The following VPS8 variants were observed in gnomAD, a reference collection of about 807,000 sequenced individuals.
VPS8 encodes vacuolar protein sorting-associated protein 8 homolog.
In VPS8, 129 loss-of-function variants were observed where a neutral mutation model predicts 216.4. The ratio of observed to expected loss-of-function variants is 0.60; its 90% CI spans 0.52 to 0.69. The LOEUF is 0.69. Ranked by LOEUF, VPS8 falls within the 30% of genes least tolerant of loss-of-function variation. The pLI, the probability that VPS8 is intolerant of heterozygous loss-of-function variation, is 0.00. For synonymous variants in VPS8, 571 were observed against 565.4 expected (o/e 1.01, Z -0.14); for missense variants, 1,531 against 1,683.5 (o/e 0.91, Z 1.59).
intron 46 of VPS8, among the ~76,000 whole-genome samples, chr3:185,035,736 A>G (rs1758790901): frequency 6.6e-6 from 1 of 152,176 alleles, no homozygotes; most frequent in Non-Finnish European, 1.5e-5. Context: ...CCTATTCAAC[A>G]CTGTATTGGA....
chr3:184,901,051 T>C, intron 25 of VPS8, 79 bp downstream of exon 25: 1 of 1,241,284 alleles, frequency 8.1e-7, no homozygotes, highest in Non-Finnish European at 1.2e-6. Flanking sequence ...TGGCCAATTA[T>C]ATGTGTGCAG....
At position 184,894,508 on chromosome 3, in the gene VPS8, G is replaced by GTGTATATA. The variant is rs1553857846; in HGVS notation, c.1782-194_1782-193insGTATATAT. Among the ~76,000 whole-genome samples the GTGTATATA allele has an allele frequency of 2.2e-3, 293 of 133,094 alleles. 1 individual carries two copies. The highest frequency in any genetic ancestry group is 7.5e-3 in the African/African-American group (274 of 36,334). The allele number at this position is 133,094 out of a possible 152,430, so 87.3% of individuals were successfully genotyped here. ...TTTATATATATGTATATATACACACGTATATATATATATATATATATATAC... is the reference window on the plus strand; with the variant it reads ...TTTATATATATGTATATATACACACGTGTATATATATATATATATATATATATATATAC... On this transcript the variant is annotated intron_variant, in intron 22 of 47. Coordinates refer to ENST00000625842, the MANE Select transcript of VPS8 (RefSeq NM_001009921.3).
At position 184,862,918 on chromosome 3, in the gene VPS8, G is replaced by T; in HGVS notation, c.1246G>T (p.Val416Leu). 2 of 1,613,438 alleles carry T rather than the reference G, an allele frequency of 1.2e-6. No individual in the cohort carries two copies. Among genetic ancestry groups the T allele is most frequent in the Non-Finnish European group, 1.7e-6 (2 of 1,179,566 alleles). ...ACAGTGGATAAATTCACGCACAGTT[G>T]TGCTCTTAGACAGCGTAGAGAAGTT... ...NFTWINSRTV[V>L]LLDSVEKLHV... is the part of the protein sequence containing the mutation. Residue 416 changes from valine to leucine, a missense_variant, in exon 16 of 48, where the codon GTG becomes TTG. Physicochemically the swap from Val to Leu is conservative, Grantham distance 32. This residue lies in a region of VPS8 where 1,318 missense variants were observed against 1,468.4 expected (regional missense o/e 0.90). Transcript: ENST00000625842.
At chr3:184,821,436 C>T (rs1419428652) in intron 1 of VPS8, among the ~76,000 whole-genome samples, 3 of 151,954 alleles carry the variant, frequency 2.0e-5, no homozygotes, top group Non-Finnish European at 2.9e-5. Flanking sequence ...CTCCGCCTCC[C>T]GGGTTCAAGC....
At chr3:184,834,565 G>T in intron 4 of VPS8, 84 bp from the exon 5 acceptor site, 2 of 1,007,364 alleles carry the variant, frequency 2.0e-6, no homozygotes, top group Non-Finnish European at 2.8e-6. Context: ...CTTTTTGTGC[G>T]TGTGTGTTTT....
intron 38 of VPS8, among the ~76,000 whole-genome samples, chr3:184,965,503 A>G (rs1352391294): frequency 6.6e-6 from 1 of 152,228 alleles, no homozygotes; most frequent in Non-Finnish European, 1.5e-5. Flanking sequence ...GCAAAGAAGT[A>G]TGGATGACCA....
chr3:184,824,604 T>C lies in VPS8; in HGVS notation c.-29T>C. On this transcript the variant is annotated 5_prime_UTR_variant, in exon 2 of 48. It removes an upstream start codon present in the reference 5' UTR. Coordinates refer to ENST00000625842, the MANE Select transcript of VPS8 (RefSeq NM_001009921.3). ...AACAAACAAAAAACACTTGCTTTGA[T>C]GGACTGAATACTGTTATTAGAAGTA... 3 of 1,593,896 alleles carry C rather than the reference T, an allele frequency of 1.9e-6. No individual in the cohort carries two copies. The highest frequency in any genetic ancestry group is 2.2e-5 in the South Asian group (2 of 89,100).
At chr3:185,040,183 T>C (rs960520876) in intron 46 of VPS8, among the ~76,000 whole-genome samples, 2 of 151,986 alleles carry the variant, frequency 1.3e-5, no homozygotes, top group African/African-American at 2.4e-5. Context: ...CCCTCCAACA[T>C]TGGAGCTCCA....
At chr3:184,813,551 C>T (rs188797757) in intron 1 of VPS8, among the ~76,000 whole-genome samples, 41 of 152,212 alleles carry the variant, frequency 2.7e-4, no homozygotes, top group Admixed American at 2.2e-3. Context: ...CTGGCCTGTT[C>T]CATAGAATAT....
In VPS8 at chr3:185,024,324, T is replaced by G; in HGVS notation, c.4003-12T>G. 2 of 1,570,472 alleles carry G rather than the reference T, an allele frequency of 1.3e-6. No individual in the cohort carries two copies. Among genetic ancestry groups the G allele is most frequent in the South Asian group, 2.4e-5 (2 of 85,028 alleles). ...CTGAAAGGGTATTAAAATGTTTGCC[T>G]TTTTTTTCCAGGTAAAAATGTCTCC... On this transcript the variant is annotated splice_polypyrimidine_tract_variant and intron_variant, in intron 45 of 47. Transcript: ENST00000625842.
Position 185,051,914 on chromosome 3 carries a change from C to A in VPS8, c.4176C>A (p.Ser1392Arg). 6.2e-7 allele frequency: 1 copy of A among 1,611,400 alleles called. No homozygotes were observed. Among genetic ancestry groups the A allele is most frequent in the Admixed American group, 1.7e-5 (1 of 59,648 alleles). Residue 1392 changes from serine to arginine, a missense_variant, in exon 48 of 48, where the codon AGC (serine) becomes AGA (arginine). Physicochemically the swap from Ser to Arg is moderately radical, Grantham distance 110 (BLOSUM62 -1). Coordinates refer to ENST00000625842, the MANE Select transcript of VPS8 (RefSeq NM_001009921.3). ...LLTELSQNRS[S>R]ESYRPFSGSQ... ...CGGAACTCTCCCAGAATCGCAGCAGCGAGAGCTATAGGCCATTCAGTGGCT... is the reference window on the plus strand; with the variant it reads ...CGGAACTCTCCCAGAATCGCAGCAGAGAGAGCTATAGGCCATTCAGTGGCT...
chr3:184,876,182 C>T (rs938800029), intron 21 of VPS8, among the ~76,000 whole-genome samples: 5 of 152,062 alleles, frequency 3.3e-5, no homozygotes, highest in Non-Finnish European at 5.9e-5. Context: ...AGTTTTTTCC[C>T]TACCTCTCTG....
intron 46 of VPS8, among the ~76,000 whole-genome samples, chr3:185,044,630 C>T (rs1561255777): frequency 6.6e-6 from 1 of 151,998 alleles, no homozygotes; most frequent in Non-Finnish European, 1.5e-5. Context: ...TTCACTGAGC[C>T]TTTCAGTCTG....
rs568854135 is a variant in VPS8, at chr3:184,843,864, A to C, written c.541+619A>C. Among the ~76,000 whole-genome samples, 4 of 152,340 alleles carry C rather than the reference A, an allele frequency of 2.6e-5. No individual in the cohort carries two copies. In the East Asian group the frequency reaches 7.7e-4, roughly 29 times the overall value. On this transcript the variant is annotated intron_variant, in intron 8 of 47. Transcript: ENST00000625842. ...AGTTTTAAAGTACAGTAACATTACA[A>C]TGGCATGAACAGGCTTGGGAATGAA...
At chr3:184,865,104 TACA>T (rs908518671) in intron 16 of VPS8, among the ~76,000 whole-genome samples, 15 of 152,240 alleles carry the variant, frequency 9.9e-5, no homozygotes, top group African/African-American at 3.1e-4. Flanking sequence ...AATTTGAAGA[TACA>T]ACAATAGAAA....
chr3:184,995,505 A>G (rs1330070323), intron 43 of VPS8, among the ~76,000 whole-genome samples: 2 of 152,256 alleles, frequency 1.3e-5, no homozygotes, highest in Non-Finnish European at 2.9e-5. Flanking sequence ...GGAAAGAAGT[A>G]GAATAGACCA....
chr3:185,019,815 G>A (rs1035409518), intron 45 of VPS8, among the ~76,000 whole-genome samples: 2 of 152,204 alleles, frequency 1.3e-5, no homozygotes, highest in African/African-American at 4.8e-5. Flanking sequence ...ACAATTCCTG[G>A]TATGGACTAG....
intron 45 of VPS8, among the ~76,000 whole-genome samples, chr3:185,016,499 C>T (rs1755815684): frequency 6.6e-6 from 1 of 152,180 alleles, no homozygotes. Context: ...CAACACTTTC[C>T]AATGAAAACG....
intron 40 of VPS8, among the ~76,000 whole-genome samples, chr3:184,978,079 G>A (rs1749598974): frequency 6.6e-6 from 1 of 151,078 alleles, no homozygotes; most frequent in South Asian, 2.1e-4. Flanking sequence ...TTTTCTCATT[G>A]GTAGGCTTTT....
Sources: allele counts gnomAD v4.1 joint callset (sites outside exome capture counted in the v4.1 genomes callset), GRCh38; gene constraint gnomAD v4.1.1; regional missense constraint gnomAD v4.1.1; transcripts MANE v1.5; gene names NCBI Gene and HGNC (gene_info 2026-07-23, HGNC 2026-07-21).